Variants in PDE7B observed in about 807,000 individuals in gnomAD.
The protein encoded by PDE7B is 3',5'-cyclic-AMP phosphodiesterase 7B.
In PDE7B, 29 loss-of-function variants were observed where a neutral mutation model predicts 56.2. That is an observed-to-expected ratio of 0.52 (90% CI 0.38 to 0.70). PDE7B has a LOEUF of 0.70. Ranked by LOEUF, PDE7B falls within the 30% of genes least tolerant of loss-of-function variation. The probability of loss-of-function intolerance (pLI) is 0.00; values close to 1 mark genes in which losing one functional copy is unlikely to be tolerated. For synonymous variants in PDE7B, 197 were observed against 196.9 expected, an observed-to-expected ratio of 1.00 and a Z score of 0.00; for missense variants, 490 against 565.0, an observed-to-expected ratio of 0.87 and a Z score of 1.35.
chr6:136,089,009 A>T (rs1777339515), intron 2 of PDE7B, among the ~76,000 whole-genome samples: 1 of 152,066 alleles, frequency 6.6e-6, no homozygotes, highest in Non-Finnish European at 1.5e-5. Context: ...AAAAAAAAGA[A>T]ACACGGGGAA....
At position 135,859,448 on chromosome 6, in the gene PDE7B, A is replaced by T. The variant is rs79554870; in HGVS notation, c.21+7429A>T. Among the ~76,000 whole-genome samples the T allele has an allele frequency of 7.8e-3, 1,181 of 152,206 alleles. 10 individuals carry two copies. The highest frequency in any genetic ancestry group is 0.026 in the African/African-American group (1,090 of 41,558). On this transcript the variant is annotated intron_variant, in intron 1 of 12. Coordinates refer to ENST00000308191, the MANE Select transcript of PDE7B (RefSeq NM_018945.4). Reference sequence around the variant, plus strand: ...CATTATTGTGTTTGGAGTAAAAAATAATCTTTAAGTTAAAATAATACAAAA... The same window carrying T: ...CATTATTGTGTTTGGAGTAAAAAATTATCTTTAAGTTAAAATAATACAAAA...
chr6:135,996,068 T>C, intron 2 of PDE7B, among the ~76,000 whole-genome samples: 1 of 152,130 alleles, frequency 6.6e-6, no homozygotes, highest in African/African-American at 2.4e-5. Context: ...TTGACTAAAA[T>C]AAAACCTCTA....
At chr6:136,018,642 T>C (rs1052901287) in intron 2 of PDE7B, among the ~76,000 whole-genome samples, 2 of 152,156 alleles carry the variant, frequency 1.3e-5, no homozygotes, top group African/African-American at 2.4e-5. Context: ...TAATACAAAC[T>C]CTTAAATTAC....
chr6:136,130,240 ACTT>A (rs1441171537), intron 3 of PDE7B, among the ~76,000 whole-genome samples: 1 of 151,978 alleles, frequency 6.6e-6, no homozygotes, highest in East Asian at 1.9e-4. Flanking sequence ...GGCGCCAAAA[ACTT>A]CTTACATTTC....
rs529804430 is a variant in PDE7B, at chr6:136,008,896, T to C, written c.82+61372T>C. ...GCCATTGCTTTTGGTGTTTTAGACA[T>C]GAAGTCCTTGCCCATGCCTATGCCC... is the stretch of plus-strand genomic sequence containing the variant. On this transcript the variant is annotated intron_variant, in intron 2 of 12. Transcript: ENST00000308191. Among the ~76,000 whole-genome samples, 4 of 152,330 alleles carry C rather than the reference T, an allele frequency of 2.6e-5. No homozygotes were observed. In the East Asian group the frequency reaches 7.7e-4, roughly 29 times the overall value.
At chr6:135,994,141 T>C (rs1468609394) in intron 2 of PDE7B, among the ~76,000 whole-genome samples, 1 of 151,388 alleles carries the variant, frequency 6.6e-6, no homozygotes, top group Non-Finnish European at 1.5e-5. Flanking sequence ...TGTGTGTGTG[T>C]GTGTGTGTGT....
intron 2 of PDE7B, among the ~76,000 whole-genome samples, chr6:135,992,244 T>C (rs1775492082): frequency 6.6e-6 from 1 of 151,776 alleles, no homozygotes; most frequent in South Asian, 2.1e-4. Flanking sequence ...AATCTCATAA[T>C]GTTTTAAGAA....
chr6:136,143,514 A>T (rs1312914094), intron 3 of PDE7B, among the ~76,000 whole-genome samples: 1 of 152,074 alleles, frequency 6.6e-6, no homozygotes, highest in East Asian at 1.9e-4. Flanking sequence ...AAACCAAAAA[A>T]AGTCATGAGA....
At chr6:136,156,160 CAA>C (rs1491287565) in intron 8 of PDE7B, 31 of 259,688 alleles carry the variant, frequency 1.2e-4, no homozygotes, top group African/African-American at 1.7e-4. Context: ...GAGAATGATC[CAA>C]GTGTGTGTGT....
At chr6:136,047,636 C>CA (rs1776537852) in intron 2 of PDE7B, among the ~76,000 whole-genome samples, 1 of 152,146 alleles carries the variant, frequency 6.6e-6, no homozygotes, top group Admixed American at 6.5e-5. Context: ...TTCAATGTTA[C>CA]ATACAAATAC....
intron 1 of PDE7B, among the ~76,000 whole-genome samples, chr6:135,873,183 T>A (rs1216917952): frequency 1.3e-5 from 2 of 152,184 alleles, no homozygotes; most frequent in African/African-American, 4.8e-5. Context: ...CAATTGTTGT[T>A]TAACTCCCTT....
chr6:135,926,613 G>A (rs757610800), intron 1 of PDE7B, among the ~76,000 whole-genome samples: 7 of 152,014 alleles, frequency 4.6e-5, no homozygotes, highest in Non-Finnish European at 8.8e-5. Context: ...TTCCGGTGAA[G>A]ATCAGAAAAT....
In PDE7B at chr6:135,947,246, C is replaced by T. The variant is rs140561254; in HGVS notation, c.22-218C>T. 7.0e-3 allele frequency among the ~76,000 whole-genome samples: 1,062 copies of T among 152,190 alleles called. 5 individuals carry two copies. Among genetic ancestry groups the T allele is most frequent in the Non-Finnish European group, 9.2e-3 (623 of 67,948 alleles). ...GGGAGCACATAGAATCTGCTCTATG[C>T]AGGGGCATAAGGCATGCAGAAACAA... is the stretch of plus-strand genomic sequence containing the variant. On this transcript the variant is annotated intron_variant, in intron 1 of 12. Transcript: ENST00000308191.
chr6:136,033,637 A>G (rs966833070), intron 2 of PDE7B, among the ~76,000 whole-genome samples: 1 of 152,078 alleles, frequency 6.6e-6, no homozygotes, highest in East Asian at 1.9e-4. Context: ...CCCTTTCCCC[A>G]TGACAATGGA....
chr6:136,187,123 T>A lies in PDE7B; in HGVS notation c.1126+7T>A. On this transcript the variant is annotated splice_region_variant and intron_variant, in intron 12 of 12. Coordinates refer to ENST00000308191, the MANE Select transcript of PDE7B (RefSeq NM_018945.4). ...ATCCCTAGTATACAAATTGGTGAGTTGAATTCAGTGTTAATTCCAAATAAA... is the reference window on the plus strand; with the variant it reads ...ATCCCTAGTATACAAATTGGTGAGTAGAATTCAGTGTTAATTCCAAATAAA... 7.3e-7 allele frequency: 1 copy of A among 1,376,766 alleles called. No homozygotes were observed. Among genetic ancestry groups the A allele is most frequent in the Non-Finnish European group, 1.0e-6 (1 of 968,362 alleles). The allele number at this position is 1,376,766 out of a possible 1,614,324, so 85.3% of individuals were successfully genotyped here.
intron 2 of PDE7B, among the ~76,000 whole-genome samples, chr6:136,063,541 A>G (rs1461728613): frequency 6.6e-6 from 1 of 152,156 alleles, no homozygotes; most frequent in Non-Finnish European, 1.5e-5. Context: ...GCATGGCTTA[A>G]AGATGAACCC....
chr6:136,171,669 G>C (rs1296545275), intron 8 of PDE7B, among the ~76,000 whole-genome samples: 5 of 151,538 alleles, frequency 3.3e-5, no homozygotes, highest in Non-Finnish European at 7.4e-5. Flanking sequence ...TAAGTTTTAG[G>C]GTACATGTGC....
chr6:136,053,848 A>G (rs1776679268), intron 2 of PDE7B, among the ~76,000 whole-genome samples: 1 of 152,072 alleles, frequency 6.6e-6, no homozygotes, highest in Non-Finnish European at 1.5e-5. Context: ...TTGGCTGCAC[A>G]AATGTCTTCT....
At chr6:135,989,635 TAATA>T (rs1451648284) in intron 2 of PDE7B, among the ~76,000 whole-genome samples, 1 of 151,336 alleles carries the variant, frequency 6.6e-6, no homozygotes, top group Non-Finnish European at 1.5e-5. Context: ...ATAATAATAA[TAATA>T]AATTTATGTA....
Sources: allele counts gnomAD v4.1 joint callset (sites outside exome capture counted in the v4.1 genomes callset), GRCh38; gene constraint gnomAD v4.1.1; transcripts MANE v1.5; gene names NCBI Gene and HGNC (gene_info 2026-07-23, HGNC 2026-07-21).